Variants in COL11A1 observed in about 807,000 individuals in gnomAD.
COL11A1 encodes collagen alpha-1(XI) chain.
A neutral mutation model predicts 265.2 loss-of-function variants in COL11A1; 74 were observed. The ratio of observed to expected loss-of-function variants is 0.28; its 90% CI spans 0.23 to 0.34. The LOEUF is 0.34. Ranked by LOEUF, COL11A1 falls within the 10% of genes least tolerant of loss-of-function variation. The pLI, the probability that COL11A1 is intolerant of heterozygous loss-of-function variation, is 1.00. For synonymous variants in COL11A1, 816 were observed against 727.6 expected, an observed-to-expected ratio of 1.12 and a Z score of -1.96; for missense variants, 2,165 against 2,263.6, an observed-to-expected ratio of 0.96 and a Z score of 0.88.
intron 54 of COL11A1, among the ~76,000 whole-genome samples, chr1:102,907,799 AGTTT>A (rs981064627): frequency 1.3e-5 from 2 of 152,062 alleles, no homozygotes; most frequent in Non-Finnish European, 2.9e-5. Context: ...ACAAAATTTT[AGTTT>A]ATTAATATAC....
At chr1:103,074,125 A>T (rs1671789277) in intron 4 of COL11A1, among the ~76,000 whole-genome samples, 1 of 151,922 alleles carries the variant, frequency 6.6e-6, no homozygotes, top group South Asian at 2.1e-4. Flanking sequence ...TTTGATGGAA[A>T]TATCTTACCA....
chr1:103,084,845 T>A (rs12727959), intron 1 of COL11A1, among the ~76,000 whole-genome samples: 1 of 152,178 alleles, frequency 6.6e-6, no homozygotes, highest in African/African-American at 2.4e-5. Flanking sequence ...ATAGGCTCAC[T>A]GATATAAACC....
chr1:103,020,116 G>C (rs1367089884), intron 9 of COL11A1, among the ~76,000 whole-genome samples: 1 of 151,724 alleles, frequency 6.6e-6, no homozygotes, highest in Non-Finnish European at 1.5e-5. Flanking sequence ...TAATGGGATG[G>C]GTGGGTCAAA....
At chr1:103,001,122 GT>G in intron 24 of COL11A1, 1 of 397,478 alleles carries the variant, frequency 2.5e-6, no homozygotes, top group East Asian at 3.6e-5. Context: ...GTCTGAGGGG[GT>G]GGAAACATGG....
intron 4 of COL11A1, among the ~76,000 whole-genome samples, chr1:103,036,823 C>A (rs1239859692): frequency 2.6e-5 from 4 of 151,906 alleles, no homozygotes; most frequent in African/African-American, 9.7e-5. Flanking sequence ...TTTAATGGTC[C>A]ACAAAACCAA....
At chr1:103,000,436 AT>A (rs1665001220) in intron 24 of COL11A1, among the ~76,000 whole-genome samples, 1 of 151,996 alleles carries the variant, frequency 6.6e-6, no homozygotes, top group Non-Finnish European at 1.5e-5. Context: ...CAATTAGAAT[AT>A]TAACCAAAAG....
chr1:103,013,157 A>G (rs1051116667), intron 13 of COL11A1, among the ~76,000 whole-genome samples: 3 of 152,090 alleles, frequency 2.0e-5, no homozygotes, highest in Admixed American at 1.3e-4. Context: ...AGAGAGCTCA[A>G]CAGATGAACA....
At chr1:103,030,696 G>T (rs922851634) in intron 5 of COL11A1, among the ~76,000 whole-genome samples, 1 of 151,970 alleles carries the variant, frequency 6.6e-6, no homozygotes, top group East Asian at 1.9e-4. Context: ...AAAACTTTAA[G>T]ATAGTTCTAA....
chr1:102,946,515 G>T lies in COL11A1; in HGVS notation c.3276+334C>A, dbSNP rs111390713. Among the ~76,000 whole-genome samples the T allele has an allele frequency of 0.063, 9,505 of 151,626 alleles. 355 individuals carry two copies. The highest frequency in any genetic ancestry group is 0.087 in the Non-Finnish European group (5,920 of 67,902). ...ATTTGTATTACAAGAGGTGTAAAAA[G>T]TTCACACTTTTCTAATGTAAAGCAG... On this transcript the variant is annotated intron_variant, in intron 42 of 66. Transcript: ENST00000370096.
intron 28 of COL11A1, among the ~76,000 whole-genome samples, chr1:102,990,392 T>C (rs1038566338): frequency 6.6e-6 from 1 of 152,060 alleles, no homozygotes. Flanking sequence ...GGGTTCTGTA[T>C]CTTACAATCT....
chr1:102,923,261 C>T (rs1003198335), intron 47 of COL11A1, 75 bp downstream of exon 47: 1 of 1,183,452 alleles, frequency 8.4e-7, no homozygotes, highest in Non-Finnish European at 1.2e-6. Flanking sequence ...AATGAAAGAA[C>T]ACATAATACT....
chr1:103,086,848 A>G (rs1485908217), intron 1 of COL11A1, among the ~76,000 whole-genome samples: 1 of 152,166 alleles, frequency 6.6e-6, no homozygotes, highest in East Asian at 1.9e-4. Flanking sequence ...AGTTACAAAA[A>G]AGTAAAACTC....
At chr1:102,920,151 AT>A (rs1168755350) in intron 49 of COL11A1, among the ~76,000 whole-genome samples, 159 bp downstream of exon 49, 233 of 152,244 alleles carry the variant, frequency 1.5e-3, no homozygotes, top group Non-Finnish European at 3.0e-3. Flanking sequence ...TTGCAAAATC[AT>A]TTTAACTTTA....
intron 54 of COL11A1, among the ~76,000 whole-genome samples, chr1:102,902,327 A>G (rs1316769210): frequency 6.6e-6 from 1 of 152,166 alleles, no homozygotes; most frequent in Non-Finnish European, 1.5e-5. Context: ...GAGTCTTGGC[A>G]TATGGAGATC....
At chr1:103,014,696 A>AT in intron 12 of COL11A1, 102 bp from the exon 13 acceptor site, 3 of 916,566 alleles carry the variant, frequency 3.3e-6, no homozygotes, top group Non-Finnish European at 5.3e-6. Context: ...AAATGGTGGG[A>AT]TTTTACAAAA....
chr1:103,087,161 A>C (rs1672941301), intron 1 of COL11A1, among the ~76,000 whole-genome samples: 1 of 152,226 alleles, frequency 6.6e-6, no homozygotes, highest in Non-Finnish European at 1.5e-5. Context: ...TTAATATTTT[A>C]ATTATCTCTA....
At chr1:103,068,609 C>T (rs1671332454) in intron 4 of COL11A1, among the ~76,000 whole-genome samples, 1 of 151,302 alleles carries the variant, frequency 6.6e-6, no homozygotes, top group Admixed American at 6.6e-5. Context: ...ATATCCCATT[C>T]ATTGCCGTAA....
chr1:102,956,801 T>C (rs1231309809), intron 41 of COL11A1, among the ~76,000 whole-genome samples: 1 of 151,856 alleles, frequency 6.6e-6, no homozygotes. Flanking sequence ...CATTATCTTC[T>C]GTACCGTCTC....
intron 57 of COL11A1, among the ~76,000 whole-genome samples, chr1:102,896,119 T>A (rs747474030): frequency 2.0e-5 from 3 of 151,726 alleles, no homozygotes; most frequent in Non-Finnish European, 4.4e-5. Flanking sequence ...GGGTAGAAGA[T>A]ATCCATATCC....
Sources: allele counts gnomAD v4.1 joint callset (sites outside exome capture counted in the v4.1 genomes callset), GRCh38; gene constraint gnomAD v4.1.1; transcripts MANE v1.5; gene names NCBI Gene and HGNC (gene_info 2026-07-23, HGNC 2026-07-21).